The following TWF1 variants were observed in gnomAD, a reference collection of about 807,000 sequenced individuals.
TWF1 encodes the protein twinfilin actin binding protein 1.
TWF1 carries 14 observed loss-of-function variants against 47.9 expected under a neutral mutation model. The observed-to-expected ratio is 0.29, with a 90% CI of 0.19 to 0.46. The LOEUF (loss-of-function observed/expected upper bound fraction) is 0.46, where lower values mean the gene tolerates loss of function less well. Ranked by LOEUF, TWF1 falls within the 20% of genes least tolerant of loss-of-function variation. TWF1 has a pLI of 1.00. For missense variants in TWF1, 281 were observed against 409.3 expected (o/e 0.69, Z 2.70); for synonymous variants, 96 against 139.2 (o/e 0.69, Z 2.18).
chr12:43,796,189 CAAT>C (rs1469779904), intron 8 of TWF1, among the ~76,000 whole-genome samples: 1 of 152,062 alleles, frequency 6.6e-6, no homozygotes, highest in East Asian at 1.9e-4. Context: ...TGTTAAACAA[CAAT>C]AAGAATATAT....
chr12:43,795,590 C>T lies in TWF1; in HGVS notation c.1048G>A (p.Asp350Asn), dbSNP rs1942534459. The T allele has an allele frequency of 6.2e-7, 1 of 1,611,360 alleles. No homozygotes were observed. The highest frequency in any genetic ancestry group is 1.3e-5 in the African/African-American group (1 of 74,772). ...RGPAETEATTD is the reference protein window; with the variant it reads ...RGPAETEATTN ...CAATGTTTAATGTGATGACTTTAATCAGTAGTAGCTTCAGTTTCCGCTGGG... is the reference window on the plus strand; with the variant it reads ...CAATGTTTAATGTGATGACTTTAATTAGTAGTAGCTTCAGTTTCCGCTGGG... Residue 350 changes from aspartate to asparagine, a missense_variant, in exon 9 of 9, where the codon GAT becomes AAT. Physicochemically the swap from Asp to Asn is conservative, Grantham distance 23. Transcript: ENST00000395510.
At position 43,795,506 on chromosome 12, in the gene TWF1, A is replaced by G. The variant is rs1225672480; in HGVS notation, c.*79T>C. 2.8e-6 allele frequency: 4 copies of G among 1,404,104 alleles called. No individual in the cohort carries two copies. The highest frequency in any genetic ancestry group is 3.9e-6 in the Non-Finnish European group (4 of 1,033,256). 87.0% of individuals were successfully genotyped at this position (1,404,104 alleles called of 1,614,324 possible). On this transcript the variant is annotated 3_prime_UTR_variant, in exon 9 of 9. Coordinates refer to ENST00000395510, the MANE Select transcript of TWF1 (RefSeq NM_002822.5). ...CAATTTTTTTCCCTACTTTATATCA[A>G]CATGGAATGATTTCAGTTCTCCTGT...
intron 6 of TWF1, 78 bp downstream of exon 6, chr12:43,797,630 T>A: frequency 6.7e-7 from 1 of 1,500,512 alleles, no homozygotes; most frequent in Non-Finnish European, 8.9e-7. Flanking sequence ...AAATGTAAAA[T>A]CCATTAATAA....
At chr12:43,806,115 T>G (rs1021821930) in intron 1 of TWF1, 106 bp downstream of exon 1, 2 of 1,523,912 alleles carry the variant, frequency 1.3e-6, no homozygotes, top group African/African-American at 1.4e-5. Flanking sequence ...GAGACCGACT[T>G]CCGGAGCTCC....
intron 8 of TWF1, among the ~76,000 whole-genome samples, chr12:43,796,403 A>AAT (rs1044416977): frequency 1.3e-5 from 2 of 152,108 alleles, no homozygotes; most frequent in African/African-American, 4.8e-5. Flanking sequence ...AGGGCTCAAG[A>AAT]ATATATATCT....
chr12:43,796,346 C>A (rs559934221), intron 8 of TWF1, among the ~76,000 whole-genome samples: 2 of 152,006 alleles, frequency 1.3e-5, no homozygotes, highest in Non-Finnish European at 2.9e-5. Flanking sequence ...GGGTTCAGAA[C>A]CTAAAAACAC....
rs56361776 is a variant in TWF1 at position 43,797,409 on chromosome 12, G to A, written c.653C>T (p.Thr218Ile). 6.1e-5 allele frequency: 97 copies of A among 1,600,620 alleles called. 1 individual carries two copies. In the East Asian group the frequency reaches 2.0e-3, roughly 34 times the overall value. ...KNEIIILANT[T>I]NTELKDLPKR... ...TGGCAAATCTTTCAGTTCTGTATTT[G>A]TTGTGTTGGCCAAAATTATAATTTC... The change falls in exon 7 of 9, where the codon ACA (threonine) becomes ATA (isoleucine). Residue 218 changes from threonine (T) to isoleucine (I), a missense_variant. Transcript: ENST00000395510.
Position 43,797,478 on chromosome 12 carries a change from C to A in TWF1, c.610-26G>T. On this transcript the variant is annotated intron_variant, in intron 6 of 8. Coordinates refer to ENST00000395510, the MANE Select transcript of TWF1 (RefSeq NM_002822.5). ...CTGCCAATAAGAAACAAAATATGTT[C>A]ATTAAAACCAGATATAAGGAAATTA... 3 of 1,524,604 alleles carry A rather than the reference C, an allele frequency of 2.0e-6. No homozygotes were observed. In the South Asian group the frequency reaches 3.8e-5, roughly 19 times the overall value. The allele number at this position is 1,524,604 out of a possible 1,614,324, so 94.4% of individuals were successfully genotyped here. A position where few individuals can be genotyped will look rare whatever the true frequency, so the allele number is the denominator to read the frequency against.
In TWF1 at chr12:43,795,549, T is replaced by A; in HGVS notation, c.*36A>T. 1.3e-6 allele frequency: 2 copies of A among 1,586,316 alleles called. No homozygotes were observed. The highest frequency in any genetic ancestry group is 1.7e-6 in the Non-Finnish European group (2 of 1,164,086). ...TCTCCTGTACTAAAAGCTGGACTTT[T>A]AAAAAACTAGTATTACAATGTTTAA... is the stretch of plus-strand genomic sequence containing the variant. On this transcript the variant is annotated 3_prime_UTR_variant, in exon 9 of 9. Coordinates refer to ENST00000395510, the MANE Select transcript of TWF1 (RefSeq NM_002822.5).
intron 2 of TWF1, among the ~76,000 whole-genome samples, chr12:43,803,085 T>C (rs887073528): frequency 1.3e-5 from 2 of 152,194 alleles, no homozygotes; most frequent in East Asian, 1.9e-4. Context: ...AGTGAAGTTA[T>C]AGCCTCAATG....
chr12:43,804,696 G>A, intron 1 of TWF1, 124 bp from the exon 2 acceptor site: 1 of 573,632 alleles, frequency 1.7e-6, no homozygotes, highest in Non-Finnish European at 3.1e-6. Context: ...CTTATTATCA[G>A]TATTATAAAA....
intron 1 of TWF1, chr12:43,805,970 A>C (rs570709499): frequency 6.5e-7 from 1 of 1,545,822 alleles, no homozygotes; most frequent in South Asian, 1.1e-5. Flanking sequence ...CTCGAAAGCC[A>C]ATTTCCTTCG....
At chr12:43,795,948 T>C (rs1942542201) in intron 8 of TWF1, among the ~76,000 whole-genome samples, 193 bp from the exon 9 acceptor site, 2 of 152,192 alleles carry the variant, frequency 1.3e-5, no homozygotes, top group Non-Finnish European at 2.9e-5. Context: ...ATCAGCTACA[T>C]TCACTTCCTT....
At chr12:43,805,752 G>A (rs776156761) in intron 1 of TWF1, 8 of 1,321,936 alleles carry the variant, frequency 6.1e-6, no homozygotes, top group Non-Finnish European at 8.0e-6. Context: ...CTACTGATGT[G>A]AGAAAGATTC....
At chr12:43,801,812 T>A (rs1246333561) in intron 3 of TWF1, among the ~76,000 whole-genome samples, 3 of 152,078 alleles carry the variant, frequency 2.0e-5, no homozygotes, top group Non-Finnish European at 4.4e-5. Flanking sequence ...GGTGGATCAC[T>A]TAAGGCCACG....
At chr12:43,799,197 A>G (rs1299692904) in intron 5 of TWF1, among the ~76,000 whole-genome samples, 2 of 152,140 alleles carry the variant, frequency 1.3e-5, no homozygotes, top group Non-Finnish European at 2.9e-5. Context: ...TATTTATAAA[A>G]TGCATATAAA....
At chr12:43,798,460 C>T (rs1218832316) in intron 5 of TWF1, 14 of 1,145,460 alleles carry the variant, frequency 1.2e-5, no homozygotes, top group Non-Finnish European at 1.7e-5. Context: ...AGTGTTGCAA[C>T]AGAAAGTCCA....
Position 43,800,497 on chromosome 12 carries a change from C to G in TWF1, c.316G>C (p.Ala106Pro), listed in dbSNP as rs766739921. The change falls in exon 4 of 9, where the codon GCA (alanine) becomes CCA (proline). Residue 106 changes from alanine to proline, a missense_variant. Ala to Pro is a conservative substitution (Grantham distance 27). Transcript: ENST00000395510. ...RQKMLYAATR[A>P]TLKKEFGGGH... ...CCTCCAAATTCCTTCTTCAGAGTTG[C>G]TCTTGTTGCTGCATACAACATTTTT... 3.1e-6 allele frequency: 5 copies of G among 1,613,750 alleles called. No homozygotes were observed. The highest frequency in any genetic ancestry group is 1.1e-5 in the South Asian group (1 of 91,060).
Position 43,794,473 on chromosome 12 carries a change from T to C in TWF1, c.*1112A>G, listed in dbSNP as rs1031172728. On this transcript the variant is annotated 3_prime_UTR_variant, in exon 9 of 9. Transcript: ENST00000395510. Reference sequence around the variant, plus strand: ...AAAGTTTAGATCAAGAAATTACAAATCCTGGATCCCCACAGTTCATTTAGA... The same window carrying C: ...AAAGTTTAGATCAAGAAATTACAAACCCTGGATCCCCACAGTTCATTTAGA... 6.7e-6 allele frequency: 1 copy of C among 150,112 alleles called. No homozygotes were observed. The highest frequency in any genetic ancestry group is 2.1e-4 in the South Asian group (1 of 4,656). The allele number at this position is 150,112 out of a possible 1,614,324, so 9.3% of individuals were successfully genotyped here.
Sources: gnomAD v4.1 joint callset for allele counts (sites outside exome capture counted in the v4.1 genomes callset) on GRCh38, gnomAD v4.1.1 for gene constraint, MANE v1.5 for transcripts, NCBI Gene and HGNC (gene_info 2026-07-23, HGNC 2026-07-21) for gene names.